Variants in SOX5 observed in about 807,000 individuals in gnomAD.
SOX5 encodes transcription factor SOX-5.
Under a neutral mutation model 92.0 loss-of-function variants are expected in SOX5, and 9 were observed. The observed-to-expected ratio is 0.10, with a 90% CI of 0.06 to 0.17. SOX5 has a LOEUF of 0.17. Ranked by LOEUF, SOX5 falls within the 10% of genes least tolerant of loss-of-function variation. The pLI is 1.00. For synonymous variants in SOX5, 344 were observed against 336.3 expected, an observed-to-expected ratio of 1.02 and a Z score of -0.25; for missense variants, 642 against 944.5, an observed-to-expected ratio of 0.68 and a Z score of 4.20.
chr12:23,750,311 G>A (rs2094141995), intron 4 of SOX5, among the ~76,000 whole-genome samples: 1 of 151,894 alleles, frequency 6.6e-6, no homozygotes, highest in African/African-American at 2.4e-5. Context: ...CGCAGTGCCT[G>A]TAAGAAGATG....
intron 3 of SOX5, among the ~76,000 whole-genome samples, chr12:24,231,430 G>A (rs1963378894): frequency 6.6e-6 from 1 of 152,116 alleles, no homozygotes; most frequent in Non-Finnish European, 1.5e-5. Flanking sequence ...ACTCTAGGGG[G>A]AAGAAAGTCT....
At chr12:24,288,002 T>C (rs1223333562) in intron 2 of SOX5, among the ~76,000 whole-genome samples, 1 of 152,202 alleles carries the variant, frequency 6.6e-6, no homozygotes, top group Non-Finnish European at 1.5e-5. Flanking sequence ...TTAATTTCTT[T>C]CCAGGGCCAT....
At chr12:24,186,347 T>C (rs950165646) in intron 4 of SOX5, among the ~76,000 whole-genome samples, 3 of 152,034 alleles carry the variant, frequency 2.0e-5, no homozygotes, top group Admixed American at 6.6e-5. Context: ...CTGAAGAAAA[T>C]GGAAAGTCAT....
chr12:24,081,765 C>T (rs1021409501), intron 4 of SOX5, among the ~76,000 whole-genome samples: 1 of 151,850 alleles, frequency 6.6e-6, no homozygotes, highest in Non-Finnish European at 1.5e-5. Flanking sequence ...TCTACTGTAC[C>T]GAATTGAGGT....
chr12:24,239,691 T>C (rs1050238098), intron 3 of SOX5, among the ~76,000 whole-genome samples: 4 of 152,196 alleles, frequency 2.6e-5, no homozygotes, highest in East Asian at 1.9e-4. Flanking sequence ...AAATGTCTAA[T>C]CTGCCAGTTT....
chr12:24,439,526 C>T (rs374601899), intron 1 of SOX5, among the ~76,000 whole-genome samples: 1 of 152,182 alleles, frequency 6.6e-6, no homozygotes, highest in East Asian at 1.9e-4. Flanking sequence ...AGTGAAATTT[C>T]CATATCATAA....
chr12:24,171,425 A>G (rs1954148663), intron 4 of SOX5, among the ~76,000 whole-genome samples: 1 of 151,670 alleles, frequency 6.6e-6, no homozygotes, highest in Non-Finnish European at 1.5e-5. Context: ...AGGTTTCACC[A>G]TGTTAGCCAG....
chr12:23,734,772 G>A lies in SOX5; in HGVS notation c.742-20C>T, dbSNP rs1239830844. 1 of 1,605,170 alleles carries A rather than the reference G, an allele frequency of 6.2e-7. No homozygotes were observed. Among genetic ancestry groups the A allele is most frequent in the Non-Finnish European group, 8.5e-7 (1 of 1,173,312 alleles). The stretch of plus-strand genomic sequence containing the variant: ...TGCAATCTGTGAAGAAATTGCACAT[G>A]AGAAATTTACAAGTATATTGTAGTC... On this transcript the variant is annotated intron_variant, in intron 5 of 14. Coordinates refer to ENST00000451604, the MANE Select transcript of SOX5 (RefSeq NM_006940.6).
chr12:23,991,328 A>AC (rs1233728114), intron 4 of SOX5, among the ~76,000 whole-genome samples: 2 of 151,790 alleles, frequency 1.3e-5, no homozygotes, highest in Admixed American at 6.6e-5. Flanking sequence ...TCTTAAAAAA[A>AC]AAACAACAAC....
At chr12:23,930,989 C>T (rs1294564180) in intron 1 of SOX5, among the ~76,000 whole-genome samples, 1 of 151,734 alleles carries the variant, frequency 6.6e-6, no homozygotes, top group Admixed American at 6.6e-5. Flanking sequence ...ATTGCAATTG[C>T]TTGCTTAGTA....
At chr12:24,414,552 G>A (rs1046483861) in intron 1 of SOX5, among the ~76,000 whole-genome samples, 1 of 152,172 alleles carries the variant, frequency 6.6e-6, no homozygotes, top group Non-Finnish European at 1.5e-5. Context: ...ACTGGTCAAA[G>A]GATAAAGCAT....
chr12:24,561,276 G>A (rs1954310919), intron 1 of SOX5, among the ~76,000 whole-genome samples: 1 of 152,146 alleles, frequency 6.6e-6, no homozygotes, highest in South Asian at 2.1e-4. Flanking sequence ...GCTGAGAAGG[G>A]AACACATTAA....
intron 4 of SOX5, among the ~76,000 whole-genome samples, chr12:24,018,632 A>G (rs1953941870): frequency 6.6e-6 from 1 of 152,080 alleles, no homozygotes; most frequent in African/African-American, 2.4e-5. Context: ...CCTACCAAAA[A>G]TACAAAATAC....
intron 4 of SOX5, among the ~76,000 whole-genome samples, chr12:24,172,598 G>A (rs752827372): frequency 2.0e-5 from 3 of 152,104 alleles, no homozygotes; most frequent in Admixed American, 6.6e-5. Context: ...AGTTTGGATC[G>A]GAGGAACTGA....
chr12:24,542,724 C>A (rs1952255239), intron 1 of SOX5, among the ~76,000 whole-genome samples: 1 of 152,146 alleles, frequency 6.6e-6, no homozygotes, highest in Non-Finnish European at 1.5e-5. Context: ...TTTATTGACA[C>A]CAAATTGAAT....
chr12:23,911,148 AG>A, intron 1 of SOX5, among the ~76,000 whole-genome samples: 1 of 152,230 alleles, frequency 6.6e-6, no homozygotes, highest in African/African-American at 2.4e-5. Context: ...CCATTGCAAA[AG>A]GGAACAATAT....
intron 11 of SOX5, among the ~76,000 whole-genome samples, chr12:23,562,528 T>TA (rs1946388290): frequency 4.6e-5 from 7 of 152,214 alleles, no homozygotes; most frequent in African/African-American, 1.7e-4. Context: ...TAGAGGATTC[T>TA]GTAAAGCGCA....
At chr12:23,708,679 A>T (rs1034489836) in intron 6 of SOX5, among the ~76,000 whole-genome samples, 5 of 152,194 alleles carry the variant, frequency 3.3e-5, no homozygotes, top group African/African-American at 1.2e-4. Context: ...AACATGTGGC[A>T]GGAAAGTGGA....
At chr12:24,053,349 C>T (rs369408117) in intron 4 of SOX5, among the ~76,000 whole-genome samples, 14 of 152,080 alleles carry the variant, frequency 9.2e-5, no homozygotes, top group African/African-American at 3.1e-4. Context: ...AGCCTGGTCT[C>T]GAACTCCCGA....
Sources: allele counts gnomAD v4.1 joint callset (sites outside exome capture counted in the v4.1 genomes callset), GRCh38; gene constraint gnomAD v4.1.1; transcripts MANE v1.5; gene names NCBI Gene and HGNC (gene_info 2026-07-23, HGNC 2026-07-21).